The following ZDHHC11 variants were observed in gnomAD, a reference collection of about 807,000 sequenced individuals.
ZDHHC11 encodes the protein zDHHC palmitoyltransferase 11, also known as palmitoyltransferase ZDHHC11.
A neutral mutation model predicts 51.3 loss-of-function variants in ZDHHC11; 44 were observed. The observed-to-expected ratio is 0.86, with a 90% CI of 0.67 to 1.10. The LOEUF is 1.10. Ranked by LOEUF, ZDHHC11 falls within the 50% of genes least tolerant of loss-of-function variation. ZDHHC11 has a pLI of 0.00. For synonymous variants in ZDHHC11, 163 were observed against 222.0 expected (o/e 0.73, Z 2.36); for missense variants, 400 against 537.7 (o/e 0.74, Z 2.53).
intron 1 of ZDHHC11, among the ~76,000 whole-genome samples, chr5:856,332 ACACAC>A (rs1196859168): frequency 1.3e-5 from 2 of 151,428 alleles, no homozygotes; most frequent in African/African-American, 4.9e-5. Flanking sequence ...ACCACACGCC[ACACAC>A]CACACAATAC....
At chr5:831,357 G>A (rs1362244818) in intron 7 of ZDHHC11, among the ~76,000 whole-genome samples, 1 of 149,506 alleles carries the variant, frequency 6.7e-6, no homozygotes, top group Non-Finnish European at 1.5e-5. Context: ...GCTGGGGCAG[G>A]CAGATCACTT....
chr5:834,019 A>G (rs1346900735), intron 6 of ZDHHC11, among the ~76,000 whole-genome samples: 4 of 152,296 alleles, frequency 2.6e-5, no homozygotes, highest in African/African-American at 7.2e-5. Context: ...CTGGTCATGT[A>G]TTAGACATTT....
At chr5:820,327 T>C (rs998312144) in intron 9 of ZDHHC11, among the ~76,000 whole-genome samples, 1 of 151,580 alleles carries the variant, frequency 6.6e-6, no homozygotes, top group Non-Finnish European at 1.5e-5. Flanking sequence ...AATGGGTCGT[T>C]TGAAAGGGAA....
At chr5:843,560 G>C (rs745384536) in intron 4 of ZDHHC11, 40 bp downstream of exon 4, 3 of 1,606,384 alleles carry the variant, frequency 1.9e-6, no homozygotes, top group East Asian at 2.2e-5. Context: ...AAGACGGCTG[G>C]AGGCGAGGAT....
intron 4 of ZDHHC11, chr5:842,151 C>A: frequency 1.0e-6 from 1 of 986,314 alleles, no homozygotes; most frequent in African/African-American, 1.7e-5. Flanking sequence ...CACGGAGACA[C>A]TGGCACTGCC....
At chr5:807,146 G>A (rs1739376871) in intron 11 of ZDHHC11, among the ~76,000 whole-genome samples, 1 of 150,648 alleles carries the variant, frequency 6.6e-6, no homozygotes, top group South Asian at 2.1e-4. Context: ...AACGCCAACA[G>A]ACTACAGCGA....
rs397840495 is a variant in ZDHHC11, at chr5:842,106, C to A, written c.629-1456G>T. ...TGCAGAATCATCTGGAACAGCAAAC[C>A]CAGGAATTCACTCAGGCCACAATCA... On this transcript the variant is annotated intron_variant, in intron 4 of 12. Transcript: ENST00000283441. The A allele has an allele frequency of 8.1e-6, 8 of 986,582 alleles. No homozygotes were observed. In the African/African-American group the frequency reaches 1.2e-4, roughly 15 times the overall value. 61.1% of individuals were successfully genotyped at this position (986,582 alleles called of 1,614,324 possible). A position where few individuals can be genotyped will look rare whatever the true frequency, so the allele number is the denominator to read the frequency against.
At chr5:831,204 A>G (rs1255931496) in intron 7 of ZDHHC11, among the ~76,000 whole-genome samples, 1 of 149,646 alleles carries the variant, frequency 6.7e-6, no homozygotes, top group Non-Finnish European at 1.5e-5. Context: ...AACCCACGGA[A>G]AGGAAGAAAA....
chr5:852,744 G>T (rs1055035453), upstream of ZDHHC11, among the ~76,000 whole-genome samples: 1 of 148,520 alleles, frequency 6.7e-6, no homozygotes, highest in Non-Finnish European at 1.5e-5. Context: ...AGCAAACCGG[G>T]GGACAGACCC....
chr5:833,745 A>C (rs1743372683), intron 7 of ZDHHC11, 28 bp downstream of exon 7: 9 of 1,280,966 alleles, frequency 7.0e-6, no homozygotes, highest in Non-Finnish European at 1.0e-5. Context: ...CAGAAGGACC[A>C]AGCTACTGCA....
At chr5:804,049 A>G (rs1169385359) in intron 11 of ZDHHC11, among the ~76,000 whole-genome samples, 3 of 151,102 alleles carry the variant, frequency 2.0e-5, no homozygotes, top group Non-Finnish European at 4.4e-5. Context: ...GAGTCTCCAA[A>G]GTAGAAGAGA....
chr5:845,246 G>A (rs1361524436), intron 3 of ZDHHC11, among the ~76,000 whole-genome samples: 9 of 152,408 alleles, frequency 5.9e-5, no homozygotes, highest in East Asian at 5.8e-4. Flanking sequence ...TCCAGGCAGC[G>A]GACACGCCCT....
intron 10 of ZDHHC11, among the ~76,000 whole-genome samples, chr5:817,915 G>C (rs1277217464): frequency 6.6e-6 from 1 of 151,408 alleles, no homozygotes; most frequent in Non-Finnish European, 1.5e-5. Context: ...TCGAAGGGGA[G>C]GCGATGGACT....
At chr5:858,770 C>T (rs530979017) in intron 1 of ZDHHC11, among the ~76,000 whole-genome samples, 52 of 152,078 alleles carry the variant, frequency 3.4e-4, no homozygotes, top group African/African-American at 1.1e-3. Flanking sequence ...GCCTGAGTCC[C>T]GGACAGTCTT....
chr5:843,138 C>G (rs1321284685), intron 4 of ZDHHC11, among the ~76,000 whole-genome samples: 5 of 152,302 alleles, frequency 3.3e-5, no homozygotes, highest in African/African-American at 1.2e-4. Flanking sequence ...GGCCCAGGCT[C>G]CGGGCCCACT....
intron 5 of ZDHHC11, chr5:839,715 C>A (rs537805722): frequency 3.5e-4 from 54 of 154,948 alleles, no homozygotes; most frequent in Non-Finnish European, 6.7e-4. Context: ...GAGCCCAGAG[C>A]CTGACCCACC....
At chr5:856,336 A>G (rs977712749) in intron 1 of ZDHHC11, among the ~76,000 whole-genome samples, 2 of 151,500 alleles carry the variant, frequency 1.3e-5, no homozygotes, top group African/African-American at 4.9e-5. Flanking sequence ...CACGCCACAC[A>G]CCACACAATA....
At chr5:817,608 T>C (rs1740983113) in intron 10 of ZDHHC11, among the ~76,000 whole-genome samples, 2 of 151,320 alleles carry the variant, frequency 1.3e-5, no homozygotes. Flanking sequence ...ACATATTCTG[T>C]GAGTTTTCTA....
chr5:797,229 T>A (rs1737718573), intron 12 of ZDHHC11, among the ~76,000 whole-genome samples: 1 of 150,150 alleles, frequency 6.7e-6, no homozygotes, highest in Middle Eastern at 3.2e-3. Flanking sequence ...TGTGTGTGTA[T>A]ATATATATAT....
Sources: allele counts gnomAD v4.1 joint callset (sites outside exome capture counted in the v4.1 genomes callset), GRCh38; gene constraint gnomAD v4.1.1; transcripts MANE v1.5; gene names NCBI Gene and HGNC (gene_info 2026-07-23, HGNC 2026-07-21).